The following NUB1 variants were observed in gnomAD, a reference collection of about 807,000 sequenced individuals.
NUB1 encodes the protein NEDD8 ultimate buster 1.
In NUB1, 41 loss-of-function variants were observed where a neutral mutation model predicts 77.1. The ratio of observed to expected loss-of-function variants is 0.53; its 90% CI spans 0.41 to 0.69. The LOEUF is 0.69. Ranked by LOEUF, NUB1 falls within the 30% of genes least tolerant of loss-of-function variation. The pLI, the probability that NUB1 is intolerant of heterozygous loss-of-function variation, is 0.00. For missense variants in NUB1, 643 were observed against 743.8 expected (o/e 0.86, Z 1.58); for synonymous variants, 257 against 281.0 (o/e 0.91, Z 0.85).
rs57088077 is a variant in NUB1 at position 151,365,905 on chromosome 7, C to A, written c.801-1034C>A. Among the ~76,000 whole-genome samples the A allele has an allele frequency of 5.2e-4, 78 of 150,892 alleles. No individual in the cohort carries two copies. The East Asian group carries it at 0.014, about 27-fold the overall frequency. On this transcript the variant is annotated intron_variant, in intron 8 of 14. Transcript: ENST00000568733. ...AATTAAAGTCCTTTTTTTTTTATTC[C>A]ATGCATATTTTGATAGGCAGGACAG...
chr7:151,377,375 G>A lies in NUB1; in HGVS notation c.*150G>A. 1 of 543,222 alleles carries A rather than the reference G, an allele frequency of 1.8e-6. No homozygotes were observed. The highest frequency in any genetic ancestry group is 2.0e-5 in the African/African-American group (1 of 51,276). 33.7% of individuals were successfully genotyped at this position (543,222 alleles called of 1,614,324 possible). A position where few individuals can be genotyped will look rare whatever the true frequency, so the allele number is the denominator to read the frequency against. On this transcript the variant is annotated 3_prime_UTR_variant, in exon 15 of 15. Coordinates refer to ENST00000568733, the MANE Select transcript of NUB1 (RefSeq NM_001243351.2). ...TGGGCAGGGGACAAGTCCAGGAGGG[G>A]TCCCAGGGCCTTCATGCGTGGTCTC... is the stretch of plus-strand genomic sequence containing the variant.
intron 10 of NUB1, among the ~76,000 whole-genome samples, 193 bp downstream of exon 10, chr7:151,368,161 A>C (rs1281346179): frequency 3.3e-5 from 5 of 152,244 alleles, no homozygotes; most frequent in Admixed American, 2.6e-4. Flanking sequence ...GACTTCAAAA[A>C]GACAGTGACT....
intron 12 of NUB1, among the ~76,000 whole-genome samples, chr7:151,374,781 G>A (rs1364294338): frequency 2.0e-5 from 3 of 152,174 alleles, no homozygotes; most frequent in African/African-American, 7.2e-5. Flanking sequence ...CGAATCCTCA[G>A]TAGGGCAGGT....
intron 9 of NUB1, 66 bp from the exon 10 acceptor site, chr7:151,367,795 A>G: frequency 2.0e-6 from 2 of 983,836 alleles, no homozygotes; most frequent in Non-Finnish European, 3.1e-6. Context: ...AATGACAGAG[A>G]TGAGTATTAT....
At position 151,371,201 on chromosome 7, in the gene NUB1, C is replaced by A. The variant is rs567334871; in HGVS notation, c.1248+2314C>A. Among the ~76,000 whole-genome samples the A allele has an allele frequency of 8.9e-4, 135 of 152,270 alleles. 1 individual carries two copies. The highest frequency in any genetic ancestry group is 3.0e-3 in the African/African-American group (125 of 41,540). ...CTTTGGCTGAAAGCAACAACAACAA[C>A]AAAAAACCCAAAATGGCCTAAACAT... is the stretch of plus-strand genomic sequence containing the variant. On this transcript the variant is annotated intron_variant, in intron 11 of 14. Transcript: ENST00000568733.
At chr7:151,357,371 G>A (rs186935191) in intron 7 of NUB1, among the ~76,000 whole-genome samples, 8 of 151,450 alleles carry the variant, frequency 5.3e-5, no homozygotes, top group East Asian at 3.9e-4. Flanking sequence ...TGATCCGCCC[G>A]CCTCGGCCTC....
rs1258202206 is a variant in NUB1, at chr7:151,374,300, G to A, written c.1395+57G>A. 7.1e-6 allele frequency: 11 copies of A among 1,539,656 alleles called. No homozygotes were observed. In the South Asian group the frequency reaches 1.3e-4, roughly 18 times the overall value. On this transcript the variant is annotated intron_variant, in intron 12 of 14. Coordinates refer to ENST00000568733, the MANE Select transcript of NUB1 (RefSeq NM_001243351.2). ...CCCTGAGCAGTGGGTCCTGCCCAGA[G>A]CTCCCTCCATGGCTCTCCAGCATCC...
chr7:151,361,853 T>C (rs1272914320), intron 8 of NUB1, among the ~76,000 whole-genome samples: 1 of 152,208 alleles, frequency 6.6e-6, no homozygotes, highest in Non-Finnish European at 1.5e-5. Flanking sequence ...AGTTTCATTC[T>C]CTTCTGCAAA....
intron 8 of NUB1, among the ~76,000 whole-genome samples, chr7:151,362,674 A>G (rs1797434390): frequency 6.6e-6 from 1 of 152,170 alleles, no homozygotes; most frequent in Admixed American, 6.6e-5. Flanking sequence ...AGTTAAAGAG[A>G]TGGAGCTGGG....
At chr7:151,362,206 A>G (rs1470801930) in intron 8 of NUB1, among the ~76,000 whole-genome samples, 3 of 152,200 alleles carry the variant, frequency 2.0e-5, no homozygotes, top group Non-Finnish European at 4.4e-5. Context: ...TAATAATGAA[A>G]TAATAATTAA....
intron 8 of NUB1, 61 bp from the exon 9 acceptor site, chr7:151,366,878 C>A: frequency 7.2e-7 from 1 of 1,397,072 alleles, no homozygotes; most frequent in Non-Finnish European, 9.6e-7. Context: ...AAAAAGGTTT[C>A]AAATGCTAAA....
intron 11 of NUB1, among the ~76,000 whole-genome samples, chr7:151,371,777 T>C (rs752982511): frequency 1.3e-5 from 2 of 152,214 alleles, no homozygotes; most frequent in African/African-American, 2.4e-5. Context: ...AGAGCCTTGC[T>C]CTCTTGTCCA....
chr7:151,359,266 G>C (rs1443402787), intron 7 of NUB1, among the ~76,000 whole-genome samples: 2 of 140,296 alleles, frequency 1.4e-5, no homozygotes, highest in Non-Finnish European at 3.1e-5. Context: ...GTGAAACCCT[G>C]TCTCTACTAA....
At chr7:151,348,711 G>GC (rs1796634976) in intron 2 of NUB1, among the ~76,000 whole-genome samples, 2 of 151,150 alleles carry the variant, frequency 1.3e-5, no homozygotes, top group South Asian at 4.2e-4. Context: ...AAGTAGCTGG[G>GC]CCTACAGGCA....
At position 151,352,740 on chromosome 7, in the gene NUB1, G is replaced by A; in HGVS notation, c.345-72G>A. 6.1e-6 allele frequency: 6 copies of A among 981,362 alleles called. No individual in the cohort carries two copies. The South Asian group carries it at 8.3e-5, about 14-fold the overall frequency. 60.8% of individuals were successfully genotyped at this position (981,362 alleles called of 1,614,324 possible). A position where few individuals can be genotyped will look rare whatever the true frequency, so the allele number is the denominator to read the frequency against. Reference sequence around the variant, plus strand: ...TTACAGGCGTGAGCCACCGGGCCTGGCTAATGTCTTTTTAATGGATAATAA... The same window carrying A: ...TTACAGGCGTGAGCCACCGGGCCTGACTAATGTCTTTTTAATGGATAATAA... On this transcript the variant is annotated intron_variant, in intron 4 of 14. Coordinates refer to ENST00000568733, the MANE Select transcript of NUB1 (RefSeq NM_001243351.2).
intron 12 of NUB1, among the ~76,000 whole-genome samples, chr7:151,375,589 T>G (rs1202294313): frequency 1.3e-5 from 2 of 152,226 alleles, no homozygotes; most frequent in East Asian, 3.9e-4. Flanking sequence ...TGGATGCTGC[T>G]TCCACCTGCT....
Position 151,376,647 on chromosome 7 carries a change from G to A in NUB1, c.1505G>A (p.Gly502Asp). 6.2e-7 allele frequency: 1 copy of A among 1,611,082 alleles called. No individual in the cohort carries two copies. The highest frequency in any genetic ancestry group is 8.5e-7 in the Non-Finnish European group (1 of 1,178,828). Residue 502 changes from glycine to aspartate, a missense_variant, in exon 14 of 15, where the codon GGT becomes GAT. By Grantham distance (94) the Gly-to-Asp change is moderately conservative. Transcript: ENST00000568733. The stretch of plus-strand genomic sequence containing the variant: ...GCTCTCCCCTAGTTGGTGTACATGG[G>A]TTTTGATGCACTCGTGGCCGAAGCT... ...QENIDRLVYM[G>D]FDALVAEAAL...
chr7:151,363,024 C>G (rs565582446), intron 8 of NUB1, among the ~76,000 whole-genome samples: 1 of 152,330 alleles, frequency 6.6e-6, no homozygotes, highest in South Asian at 2.1e-4. Flanking sequence ...GTACCCTTAA[C>G]TTACCGTTTT....
intron 14 of NUB1, 50 bp from the exon 15 acceptor site, chr7:151,376,997 C>T: frequency 6.8e-7 from 1 of 1,473,098 alleles, no homozygotes; most frequent in Non-Finnish European, 9.1e-7. Flanking sequence ...TGCAGTGTCC[C>T]CAGGACAATC....
Sources: gnomAD v4.1 joint callset for allele counts (sites outside exome capture counted in the v4.1 genomes callset) on GRCh38, gnomAD v4.1.1 for gene constraint, MANE v1.5 for transcripts, NCBI Gene and HGNC (gene_info 2026-07-23, HGNC 2026-07-21) for gene names.